Variants in CARMIL1 observed in about 807,000 individuals in gnomAD.
CARMIL1 encodes F-actin-uncapping protein LRRC16A.
CARMIL1 carries 90 observed loss-of-function variants against 177.1 expected under a neutral mutation model. That is an observed-to-expected ratio of 0.51 (90% CI 0.43 to 0.61). CARMIL1 has a LOEUF of 0.61. Among genes scored for constraint, CARMIL1 ranks in the 20% least tolerant of loss-of-function variants. The probability of loss-of-function intolerance (pLI) is 0.00; values close to 1 mark genes in which losing one functional copy is unlikely to be tolerated. For missense variants in CARMIL1, 1,380 were observed against 1,667.0 expected, an observed-to-expected ratio of 0.83 and a Z score of 3.00; for synonymous variants, 577 against 606.2, an observed-to-expected ratio of 0.95 and a Z score of 0.71.
intron 23 of CARMIL1, among the ~76,000 whole-genome samples, chr6:25,523,135 C>A (rs111667242): frequency 0.013 from 1,977 of 151,104 alleles, 29 homozygotes; most frequent in Middle Eastern, 0.038. Flanking sequence ...GAATAGAAGA[C>A]AATATGATTG....
chr6:25,571,541 C>T (rs867459603), intron 29 of CARMIL1, among the ~76,000 whole-genome samples: 5 of 152,142 alleles, frequency 3.3e-5, no homozygotes, highest in African/African-American at 1.2e-4. Context: ...CTAAAAGTAT[C>T]ACCTCATAGA....
At chr6:25,327,469 G>A (rs1205368467) in intron 2 of CARMIL1, among the ~76,000 whole-genome samples, 6 of 152,196 alleles carry the variant, frequency 3.9e-5, no homozygotes, top group African/African-American at 1.2e-4. Flanking sequence ...ACAGGTTTTA[G>A]ATTAGAAGAA....
chr6:25,544,867 G>T (rs1007187824), intron 26 of CARMIL1, among the ~76,000 whole-genome samples: 2 of 152,118 alleles, frequency 1.3e-5, no homozygotes, highest in African/African-American at 4.8e-5. Context: ...GCAATCCAAG[G>T]TCCTAGTTTT....
intron 36 of CARMIL1, chr6:25,612,233 C>T (rs1816563231): frequency 1.3e-5 from 2 of 152,220 alleles, no homozygotes; most frequent in East Asian, 1.9e-4. Context: ...TCAGCTTGTC[C>T]GCTAAGGTTG....
intron 24 of CARMIL1, among the ~76,000 whole-genome samples, chr6:25,533,014 A>G (rs1266561795): frequency 6.6e-6 from 1 of 152,174 alleles, no homozygotes; most frequent in Non-Finnish European, 1.5e-5. Context: ...CTTCTCACCA[A>G]GAAAGAAAGA....
intron 2 of CARMIL1, among the ~76,000 whole-genome samples, chr6:25,387,301 G>T (rs973485718): frequency 6.6e-6 from 1 of 152,086 alleles, no homozygotes; most frequent in Admixed American, 6.5e-5. Context: ...TGAGGAACAG[G>T]CAAATCCAGC....
intron 24 of CARMIL1, among the ~76,000 whole-genome samples, chr6:25,535,502 T>G (rs1259206079): frequency 6.6e-6 from 1 of 152,174 alleles, no homozygotes; most frequent in Non-Finnish European, 1.5e-5. Context: ...GGGTACATTT[T>G]CTTGGAAGGA....
intron 12 of CARMIL1, among the ~76,000 whole-genome samples, chr6:25,485,187 C>T (rs2150979874): frequency 6.6e-6 from 1 of 152,252 alleles, no homozygotes; most frequent in East Asian, 1.9e-4. Flanking sequence ...ACCTTCAGTG[C>T]CACCTCTCCC....
intron 5 of CARMIL1, among the ~76,000 whole-genome samples, chr6:25,447,286 A>G (rs1172861812): frequency 6.6e-6 from 1 of 152,256 alleles, no homozygotes. Flanking sequence ...AATATTTTCC[A>G]TGCCAACAGA....
chr6:25,348,262 A>C (rs59821513), intron 2 of CARMIL1, among the ~76,000 whole-genome samples: 11,083 of 151,916 alleles, frequency 0.073, 413 homozygotes, highest in Non-Finnish European at 0.089. Context: ...TCTCCCGAGT[A>C]GCTGGGATTA....
chr6:25,485,439 G>A (rs1013342629), intron 12 of CARMIL1, among the ~76,000 whole-genome samples: 6 of 152,014 alleles, frequency 3.9e-5, no homozygotes, highest in African/African-American at 1.5e-4. Flanking sequence ...TTATTTAGAC[G>A]GAGTCTCGCT....
intron 2 of CARMIL1, among the ~76,000 whole-genome samples, chr6:25,369,431 C>T (rs1466751977): frequency 5.4e-5 from 8 of 148,432 alleles, no homozygotes; most frequent in Non-Finnish European, 8.9e-5. Context: ...AGCTGCTTCT[C>T]AGTTAATCAG....
At chr6:25,377,362 C>T (rs1055930157) in intron 2 of CARMIL1, among the ~76,000 whole-genome samples, 3 of 152,152 alleles carry the variant, frequency 2.0e-5, no homozygotes, top group Non-Finnish European at 4.4e-5. Context: ...TAAGGCCTGC[C>T]ATCTTGTGTT....
rs1805874936 is a variant in CARMIL1, at chr6:25,515,356, TTTTG to T, written c.1633-316_1633-313del. On this transcript the variant is annotated intron_variant, in intron 20 of 36. Coordinates refer to ENST00000329474, the MANE Select transcript of CARMIL1 (RefSeq NM_017640.6). This position sits in a 1 kb window ranked among gnomAD's most constrained non-coding sequence, Gnocchi z 5.0. ...GGGTGATCATATTAAGCTGAGAAATTTTTGTTATGTTTTTATTTATTTCATCCTA... is the reference window on the plus strand; with the variant it reads ...GGGTGATCATATTAAGCTGAGAAATTTTATGTTTTTATTTATTTCATCCTA... Among the ~76,000 whole-genome samples, 1 of 120,278 alleles carries T rather than the reference TTTTG, an allele frequency of 8.3e-6. No homozygotes were observed. The highest frequency in any genetic ancestry group is 2.7e-4 in the South Asian group (1 of 3,768). The allele number at this position is 120,278 out of a possible 152,430, so 78.9% of individuals were successfully genotyped here.
intron 17 of CARMIL1, among the ~76,000 whole-genome samples, chr6:25,505,293 G>T (rs1186136488): frequency 2.0e-5 from 3 of 152,156 alleles, no homozygotes; most frequent in Non-Finnish European, 4.4e-5. Context: ...TAAAGATTTA[G>T]TGTCAGTACA....
intron 2 of CARMIL1, among the ~76,000 whole-genome samples, chr6:25,356,106 G>C (rs954653314): frequency 1.3e-5 from 2 of 150,768 alleles, no homozygotes; most frequent in Non-Finnish European, 1.5e-5. Flanking sequence ...GCCGGACTGC[G>C]GACTGCAGTG....
intron 2 of CARMIL1, among the ~76,000 whole-genome samples, chr6:25,334,354 T>C (rs2206197): frequency 0.61 from 92,909 of 152,108 alleles, 29,282 homozygotes; most frequent in Non-Finnish European, 0.71. Context: ...TTATGTGAAC[T>C]TGTACTCCCT....
At position 25,495,180 on chromosome 6, in the gene CARMIL1, C is replaced by T; in HGVS notation, c.1290C>T (p.Asn430=). Residue 430 remains asparagine, a synonymous_variant, in exon 16 of 37, where the codon AAC becomes AAT. Transcript: ENST00000329474. ...FSSSLALMHI[N]LSGTKLSPEP... ...GTTCTCTGGCTTTGATGCACATCAA[C>T]CTTTCAGGCACAAAACTGTCTCCTG... The T allele has an allele frequency of 6.2e-7, 1 of 1,613,134 alleles. No homozygotes were observed. The highest frequency in any genetic ancestry group is 8.5e-7 in the Non-Finnish European group (1 of 1,179,476).
chr6:25,402,739 T>C (rs1793998272), intron 2 of CARMIL1, among the ~76,000 whole-genome samples: 1 of 152,214 alleles, frequency 6.6e-6, no homozygotes, highest in Admixed American at 6.5e-5. Flanking sequence ...GTGGCTCCTG[T>C]ATCTGAATGT....
Sources: gnomAD v4.1 joint callset for allele counts (sites outside exome capture counted in the v4.1 genomes callset) on GRCh38, gnomAD v4.1.1 for gene constraint, Gnocchi (gnomAD v3.1) non-coding constraint, MANE v1.5 for transcripts, NCBI Gene and HGNC (gene_info 2026-07-23, HGNC 2026-07-21) for gene names.